THAP4: variants seen among roughly 807,000 people sequenced by gnomAD.
THAP4 encodes peroxynitrite isomerase THAP4.
Under a neutral mutation model 48.1 loss-of-function variants are expected in THAP4, and 18 were observed. That is an observed-to-expected ratio of 0.37 (90% CI 0.26 to 0.56). The LOEUF is 0.56. Among genes scored for constraint, THAP4 ranks in the 20% least tolerant of loss-of-function variants. THAP4 has a pLI of 0.78. For synonymous variants in THAP4, 345 were observed against 324.9 expected, an observed-to-expected ratio of 1.06 and a Z score of -0.66; for missense variants, 656 against 774.9, an observed-to-expected ratio of 0.85 and a Z score of 1.82.
intron 5 of THAP4, among the ~76,000 whole-genome samples, chr2:241,599,748 C>T (rs1424048109): frequency 6.6e-6 from 1 of 152,010 alleles, no homozygotes; most frequent in Admixed American, 6.6e-5. Context: ...ATTTTATAAG[C>T]CTTGAGATGT....
intron 5 of THAP4, among the ~76,000 whole-genome samples, chr2:241,593,240 G>A (rs1304314844): frequency 6.6e-6 from 1 of 151,878 alleles, no homozygotes; most frequent in East Asian, 1.9e-4. Context: ...GCAAGGCTCT[G>A]TCTAAAAAAA....
At chr2:241,591,485 T>C (rs1372449672) in intron 5 of THAP4, among the ~76,000 whole-genome samples, 1 of 152,156 alleles carries the variant, frequency 6.6e-6, no homozygotes, top group Admixed American at 6.5e-5. Flanking sequence ...TTTTAAAAAG[T>C]AGAAGCCATG....
intron 1 of THAP4, among the ~76,000 whole-genome samples, chr2:241,635,419 C>T (rs2067623110): frequency 6.6e-6 from 1 of 152,196 alleles, no homozygotes; most frequent in African/African-American, 2.4e-5. Flanking sequence ...AATAAAGATC[C>T]TTCATAACCA....
intron 1 of THAP4, among the ~76,000 whole-genome samples, chr2:241,636,427 T>C (rs529268723): frequency 1.6e-4 from 25 of 152,178 alleles, no homozygotes; most frequent in African/African-American, 6.0e-4. Flanking sequence ...GGCCAGGCTC[T>C]AAGGGAGCGC....
chr2:241,604,848 G>A (rs1373763488), intron 3 of THAP4, among the ~76,000 whole-genome samples: 2 of 152,182 alleles, frequency 1.3e-5, no homozygotes, highest in Admixed American at 6.5e-5. Context: ...ACGAGCCACC[G>A]CGCTGGGCCA....
At chr2:241,585,545 C>T (rs942160680) in intron 5 of THAP4, among the ~76,000 whole-genome samples, 2 of 152,044 alleles carry the variant, frequency 1.3e-5, no homozygotes, top group Admixed American at 6.6e-5. Context: ...ACCAAGTCAG[C>T]GAGGACCAGC....
intron 5 of THAP4, among the ~76,000 whole-genome samples, chr2:241,591,033 G>A (rs1422654324): frequency 6.6e-6 from 1 of 151,874 alleles, no homozygotes; most frequent in Non-Finnish European, 1.5e-5. Context: ...AGAACTGCCC[G>A]GCTGACGATG....
chr2:241,615,151 G>C (rs968479572), intron 2 of THAP4, among the ~76,000 whole-genome samples: 3 of 152,214 alleles, frequency 2.0e-5, no homozygotes, highest in Non-Finnish European at 4.4e-5. Flanking sequence ...GATGAAATTC[G>C]AGACCAGGCA....
At chr2:241,615,784 G>C (rs1325635153) in intron 2 of THAP4, among the ~76,000 whole-genome samples, 1 of 152,182 alleles carries the variant, frequency 6.6e-6, no homozygotes, top group Non-Finnish European at 1.5e-5. Context: ...CTTCTCCCAG[G>C]TGGGAGTGAG....
Position 241,592,833 on chromosome 2 carries a change from C to T in THAP4, c.1615-8108G>A, listed in dbSNP as rs1462456736. On this transcript the variant is annotated intron_variant, in intron 5 of 5. Coordinates refer to ENST00000407315, the MANE Select transcript of THAP4 (RefSeq NM_015963.6). ...GGAGGGAAATGCCCCAAACAGCAGT[C>T]AGCGGGGCCACAGTGCCTAACAAGG... Among the ~76,000 whole-genome samples, 3 of 152,232 alleles carry T rather than the reference C, an allele frequency of 2.0e-5. No individual in the cohort carries two copies. The East Asian group carries it at 5.8e-4, about 29-fold the overall frequency.
intron 2 of THAP4, among the ~76,000 whole-genome samples, chr2:241,631,885 T>C (rs1378069755): frequency 6.6e-6 from 1 of 152,088 alleles, no homozygotes; most frequent in Non-Finnish European, 1.5e-5. Context: ...AGAGAATGTA[T>C]TGTATTTCTT....
intron 2 of THAP4, among the ~76,000 whole-genome samples, chr2:241,614,438 A>G (rs912467099): frequency 6.6e-6 from 1 of 152,238 alleles, no homozygotes; most frequent in Non-Finnish European, 1.5e-5. Flanking sequence ...TAAAGCAGAA[A>G]TTACTGATGA....
At chr2:241,617,821 A>C (rs1410891354) in intron 2 of THAP4, among the ~76,000 whole-genome samples, 1 of 152,086 alleles carries the variant, frequency 6.6e-6, no homozygotes, top group Non-Finnish European at 1.5e-5. Context: ...CACCCCTGGC[A>C]TGTCCTTTTC....
intron 1 of THAP4, among the ~76,000 whole-genome samples, 153 bp from the exon 2 acceptor site, chr2:241,634,232 ATCT>A (rs1450964784): frequency 1.3e-5 from 2 of 152,182 alleles, no homozygotes; most frequent in Non-Finnish European, 1.5e-5. Flanking sequence ...TTTAAAGAAC[ATCT>A]TCTACCTGCA....
chr2:241,618,243 C>T (rs1304436937), intron 2 of THAP4, among the ~76,000 whole-genome samples: 1 of 152,156 alleles, frequency 6.6e-6, no homozygotes, highest in African/African-American at 2.4e-5. Context: ...GAAGGAGTTG[C>T]ATGCCCAGGG....
intron 2 of THAP4, among the ~76,000 whole-genome samples, chr2:241,618,410 T>G (rs149779724): frequency 6.6e-6 from 1 of 152,202 alleles, no homozygotes; most frequent in African/African-American, 2.4e-5. Flanking sequence ...ACAAGTGAAT[T>G]TGATAAGATG....
intron 2 of THAP4, among the ~76,000 whole-genome samples, chr2:241,619,269 C>T (rs2067381886): frequency 6.6e-6 from 1 of 152,202 alleles, no homozygotes; most frequent in South Asian, 2.1e-4. Context: ...TAAACACAGC[C>T]CGAGTGCCAG....
At chr2:241,605,664 C>CGT (rs2067173365) in intron 3 of THAP4, among the ~76,000 whole-genome samples, 1 of 151,916 alleles carries the variant, frequency 6.6e-6, no homozygotes, top group African/African-American at 2.4e-5. Context: ...CTCAGGGGTA[C>CGT]GTGTAAAATA....
intron 1 of THAP4, among the ~76,000 whole-genome samples, chr2:241,634,691 G>C (rs1436990671): frequency 1.3e-5 from 2 of 152,238 alleles, no homozygotes; most frequent in Non-Finnish European, 2.9e-5. Flanking sequence ...GCACAATGGT[G>C]CTCACCTGCA....
Sources: allele counts gnomAD v4.1 joint callset (sites outside exome capture counted in the v4.1 genomes callset), GRCh38; gene constraint gnomAD v4.1.1; transcripts MANE v1.5; gene names NCBI Gene and HGNC (gene_info 2026-07-23, HGNC 2026-07-21).